DAPK1: variants seen among roughly 807,000 people sequenced by gnomAD.
DAPK1 encodes death-associated protein kinase 1.
Under a neutral mutation model 144.9 loss-of-function variants are expected in DAPK1, and 56 were observed. The ratio of observed to expected loss-of-function variants is 0.39; its 90% CI spans 0.31 to 0.48. The LOEUF is 0.48. DAPK1 is among the 20% of genes least tolerant of loss of function. The pLI, the probability that DAPK1 is intolerant of heterozygous loss-of-function variation, is 0.95. For missense variants in DAPK1, 1,454 were observed against 1,875.4 expected, an observed-to-expected ratio of 0.78 and a Z score of 4.15; for synonymous variants, 690 against 749.0, an observed-to-expected ratio of 0.92 and a Z score of 1.29.
Position 87,562,386 on chromosome 9 carries a change from A to G in DAPK1, c.63-42568A>G, listed in dbSNP as rs1031424041. The stretch of plus-strand genomic sequence containing the variant: ...GAAAGTTGCAATCACATTGGTGAGG[A>G]AGAGGCTGTCACAAATTAAGGACTG... On this transcript the variant is annotated intron_variant, in intron 2 of 25. Coordinates refer to ENST00000408954, the MANE Select transcript of DAPK1 (RefSeq NM_004938.4). Among the ~76,000 whole-genome samples the G allele has an allele frequency of 1.2e-4, 19 of 152,168 alleles. 1 individual carries two copies. Among genetic ancestry groups the G allele is most frequent in the Admixed American group, 7.2e-4 (11 of 15,284 alleles).
intron 3 of DAPK1, among the ~76,000 whole-genome samples, chr9:87,611,828 C>T (rs955897306): frequency 1.3e-5 from 2 of 152,162 alleles, no homozygotes; most frequent in East Asian, 3.9e-4. Flanking sequence ...CCGGGTGATG[C>T]GGATGCTGCT....
In DAPK1 at chr9:87,615,838, G is replaced by A. The variant is rs568342615; in HGVS notation, c.284+10663G>A. The stretch of plus-strand genomic sequence containing the variant: ...TGTCCACATATAGGTCACAGGAGCC[G>A]GTAGAGAGATGCTCATTCTCAGACA... On this transcript the variant is annotated intron_variant, in intron 3 of 25. Coordinates refer to ENST00000408954, the MANE Select transcript of DAPK1 (RefSeq NM_004938.4). Among the ~76,000 whole-genome samples the A allele has an allele frequency of 3.5e-4, 53 of 152,332 alleles. 1 individual carries two copies. The South Asian group carries it at 9.9e-3, about 29-fold the overall frequency.
intron 2 of DAPK1, among the ~76,000 whole-genome samples, chr9:87,570,224 C>G (rs36203441): frequency 0.12 from 18,079 of 152,122 alleles, 1,375 homozygotes; most frequent in Admixed American, 0.16. Context: ...ACCTCATTTT[C>G]CCTCCCATAT....
chr9:87,642,047 A>G lies in DAPK1; in HGVS notation c.907A>G (p.Lys303Glu), dbSNP rs1469252598. ...MEKFKKFAAR[K>E]KWKQSVRLIS... Reference sequence around the variant, plus strand: ...GAAATTCAAGAAGTTTGCAGCCCGGAAAAAATGGAAAGTAAGATTGTTTGT... The same window carrying G: ...GAAATTCAAGAAGTTTGCAGCCCGGGAAAAATGGAAAGTAAGATTGTTTGT... The change falls in exon 10 of 26, where the codon AAA (lysine) becomes GAA (glutamate). Residue 303 changes from lysine to glutamate, a missense_variant. Coordinates refer to ENST00000408954, the MANE Select transcript of DAPK1 (RefSeq NM_004938.4). 6.2e-7 allele frequency: 1 copy of G among 1,613,380 alleles called. No homozygotes were observed. The highest frequency in any genetic ancestry group is 8.5e-7 in the Non-Finnish European group (1 of 1,179,508).
intron 3 of DAPK1, among the ~76,000 whole-genome samples, chr9:87,616,591 G>A (rs554050516): frequency 6.6e-6 from 1 of 152,252 alleles, no homozygotes; most frequent in East Asian, 1.9e-4. Flanking sequence ...GGAAACAGAC[G>A]GCCCACACAA....
chr9:87,514,607 C>T (rs1824976021), intron 2 of DAPK1, among the ~76,000 whole-genome samples: 1 of 152,164 alleles, frequency 6.6e-6, no homozygotes, highest in South Asian at 2.1e-4. Flanking sequence ...CCAAATTGAA[C>T]ATTTAAGTGA....
At chr9:87,666,829 A>G (rs1301109999) in intron 18 of DAPK1, among the ~76,000 whole-genome samples, 1 of 151,920 alleles carries the variant, frequency 6.6e-6, no homozygotes, top group Non-Finnish European at 1.5e-5. Flanking sequence ...TGAACAGTGG[A>G]GAGTTCATCC....
chr9:87,547,972 C>G lies in DAPK1; in HGVS notation c.62+48833C>G, dbSNP rs1826322895. ...TTGACACATAAAGTGAGTCACCTAC[C>G]TCACCCAGCTGGTGGCGGAAGTGCT... On this transcript the variant is annotated intron_variant, in intron 2 of 25. Transcript: ENST00000408954. 3.3e-5 allele frequency among the ~76,000 whole-genome samples: 5 copies of G among 152,296 alleles called. No individual in the cohort carries two copies. In the South Asian group the frequency reaches 1.0e-3, roughly 32 times the overall value.
rs113452016 is a variant in DAPK1, at chr9:87,588,501, A to G, written c.63-16453A>G. On this transcript the variant is annotated intron_variant, in intron 2 of 25. Coordinates refer to ENST00000408954, the MANE Select transcript of DAPK1 (RefSeq NM_004938.4). The stretch of plus-strand genomic sequence containing the variant: ...ATTCAGTTTTGTTTTGTTTTGTTTT[A>G]TTTCCCAAATGACCATGCTGAGACT... 7.5e-3 allele frequency among the ~76,000 whole-genome samples: 1,093 copies of G among 145,170 alleles called. 7 individuals are homozygous for G. The highest frequency in any genetic ancestry group is 0.011 in the Admixed American group (164 of 15,000).
chr9:87,522,023 G>A (rs993834307), intron 2 of DAPK1, among the ~76,000 whole-genome samples: 1 of 152,190 alleles, frequency 6.6e-6, no homozygotes, highest in Non-Finnish European at 1.5e-5. Context: ...CCTCTGCCAC[G>A]TTTTGATGCA....
chr9:87,539,987 A>C (rs1342543632), intron 2 of DAPK1, among the ~76,000 whole-genome samples: 1 of 152,040 alleles, frequency 6.6e-6, no homozygotes, highest in East Asian at 1.9e-4. Flanking sequence ...TGCCAAAAAG[A>C]AGCCGTCAAG....
rs546723751 is a variant in DAPK1, at chr9:87,613,548, CTTTG to C, written c.284+8377_284+8380del. Among the ~76,000 whole-genome samples, 228 of 152,302 alleles carry C rather than the reference CTTTG, an allele frequency of 1.5e-3. 1 individual carries two copies. The highest frequency in any genetic ancestry group is 5.2e-3 in the African/African-American group (216 of 41,560). ...CAAAATAATCAGAATACAAATACAACTTTGTTTTTCATTGTATGTCAGCGTGGTG... is the reference window on the plus strand; with the variant it reads ...CAAAATAATCAGAATACAAATACAACTTTTTCATTGTATGTCAGCGTGGTG... On this transcript the variant is annotated intron_variant, in intron 3 of 25. Transcript: ENST00000408954.
At chr9:87,664,278 G>A (rs1830971493) in intron 18 of DAPK1, among the ~76,000 whole-genome samples, 1 of 152,056 alleles carries the variant, frequency 6.6e-6, no homozygotes. Flanking sequence ...GTCACCTGCT[G>A]TTCTTTCACC....
At chr9:87,589,621 C>T (rs1828057682) in intron 2 of DAPK1, among the ~76,000 whole-genome samples, 1 of 151,884 alleles carries the variant, frequency 6.6e-6, no homozygotes, top group East Asian at 1.9e-4. Context: ...AGGTTCATTT[C>T]TTTGAACCCA....
At chr9:87,560,449 C>T (rs1309758752) in intron 2 of DAPK1, among the ~76,000 whole-genome samples, 1 of 152,162 alleles carries the variant, frequency 6.6e-6, no homozygotes, top group Non-Finnish European at 1.5e-5. Context: ...AGAACTTTCT[C>T]ATCTTGCAAA....
chr9:87,642,010 A>T lies in DAPK1; in HGVS notation c.870A>T (p.Ala290=), dbSNP rs1374385268. The stretch of plus-strand genomic sequence containing the variant: ...AGGCACTTAGTAGAAAAGCATCAGC[A>T]GTAAACATGGAGAAATTCAAGAAGT... ...TQQALSRKAS[A]VNMEKFKKFA... The change falls in exon 10 of 26, where the codon GCA becomes GCT. Residue 290 remains alanine, a synonymous_variant. Coordinates refer to ENST00000408954, the MANE Select transcript of DAPK1 (RefSeq NM_004938.4). 1.2e-6 allele frequency: 2 copies of T among 1,614,048 alleles called. No homozygotes were observed. The highest frequency in any genetic ancestry group is 1.7e-6 in the Non-Finnish European group (2 of 1,180,024).
At chr9:87,528,119 G>A (rs998784045) in intron 2 of DAPK1, among the ~76,000 whole-genome samples, 3 of 152,212 alleles carry the variant, frequency 2.0e-5, no homozygotes, top group East Asian at 1.9e-4. Context: ...AACACTTGCC[G>A]ATGTGAATCA....
At chr9:87,574,645 C>T (rs919722482) in intron 2 of DAPK1, among the ~76,000 whole-genome samples, 1 of 152,202 alleles carries the variant, frequency 6.6e-6, no homozygotes, top group African/African-American at 2.4e-5. Flanking sequence ...GGTGACCAGG[C>T]ACGGTGGCTC....
chr9:87,572,657 G>A (rs1827401362), intron 2 of DAPK1, among the ~76,000 whole-genome samples: 1 of 152,130 alleles, frequency 6.6e-6, no homozygotes. Context: ...TGAAGTGCCT[G>A]CTCCTACTTC....
Sources: allele counts gnomAD v4.1 joint callset (sites outside exome capture counted in the v4.1 genomes callset), GRCh38; gene constraint gnomAD v4.1.1; transcripts MANE v1.5; gene names NCBI Gene and HGNC (gene_info 2026-07-23, HGNC 2026-07-21).